The following STARD8 variants were observed in gnomAD, a reference collection of about 807,000 sequenced individuals.
STARD8 encodes stAR-related lipid transfer protein 8.
STARD8 carries 25 observed loss-of-function variants against 69.4 expected under a neutral mutation model. The observed-to-expected ratio is 0.36, with a 90% confidence interval of 0.26 to 0.50. The LOEUF is 0.50. Ranked by LOEUF, STARD8 falls within the 20% of genes least tolerant of loss-of-function variation. STARD8 has a pLI of 0.96. For missense variants in STARD8, 921 were observed against 932.5 expected, an observed-to-expected ratio of 0.99 and a Z score of 0.16; for synonymous variants, 389 against 374.6, an observed-to-expected ratio of 1.04 and a Z score of -0.45.
chrX:68,722,047 G>A lies in STARD8; in HGVS notation c.2460G>A (p.Arg820=). 1 of 1,195,039 alleles carries A rather than the reference G, an allele frequency of 8.4e-7. No individual in the cohort carries two copies. Among genetic ancestry groups the A allele is most frequent in the South Asian group, 1.8e-5 (1 of 55,932 alleles). The change falls in exon 11 of 15, where the codon AGG becomes AGA. Residue 820 remains arginine (R), a splice_region_variant and synonymous_variant. Coordinates refer to ENST00000374599, the MANE Select transcript of STARD8 (RefSeq NM_001142503.3). ...TCTCACCACCTCCTGCTCCATCTAG[G>A]ATCAAGAGCAAACGCAGCCTCATTG... ...NVSKKDSPSP[R]IKSKRSLIGR...
chrX:68,655,347 A>C (rs759694673), intron 1 of STARD8, among the ~76,000 whole-genome samples: 7 of 111,346 alleles, frequency 6.3e-5, no homozygotes, highest in Admixed American at 1.9e-4. Context: ...ATGACATAAG[A>C]CTCTCAGGTC....
intron 2 of STARD8, among the ~76,000 whole-genome samples, chrX:68,712,154 C>G (rs979789330): frequency 2.7e-5 from 3 of 112,120 alleles, no homozygotes; most frequent in African/African-American, 9.7e-5. Flanking sequence ...CCCCCAAGAC[C>G]CCGACAGGCC....
intron 12 of STARD8, among the ~76,000 whole-genome samples, 183 bp from the exon 13 acceptor site, chrX:68,723,443 A>G (rs191439465): frequency 4.4e-4 from 50 of 112,440 alleles, no homozygotes; most frequent in African/African-American, 1.6e-3. Flanking sequence ...AGACATCCAG[A>G]AAAGAGAGAG....
chrX:68,721,982 C>T, intron 10 of STARD8, 65 bp from the exon 11 acceptor site: 1 of 1,031,950 alleles, frequency 9.7e-7, no homozygotes, highest in South Asian at 2.2e-5. Context: ...AGAAGGCAGC[C>T]TGTCTGCCAT....
chrX:68,716,400 T>G lies in STARD8; in HGVS notation c.266T>G (p.Met89Arg). The change falls in exon 5 of 15, where the codon ATG (methionine) becomes AGG (arginine). Residue 89 changes from methionine to arginine, a missense_variant. Coordinates refer to ENST00000374599, the MANE Select transcript of STARD8 (RefSeq NM_001142503.3). ...RLMTLNNCAS[M>R]KLEVHFQSKQ... is the part of the protein sequence containing the mutation. ...ATGACCTTGAATAATTGTGCCTCGA[T>G]GAAACTGGAGGTTCATTTTCAAAGC... The G allele has an allele frequency of 8.3e-7, 1 of 1,211,309 alleles. No homozygotes were observed. The highest frequency in any genetic ancestry group is 1.1e-6 in the Non-Finnish European group (1 of 895,357).
chrX:68,699,603 G>A (rs865817474), intron 2 of STARD8, among the ~76,000 whole-genome samples: 5 of 110,777 alleles, frequency 4.5e-5, no homozygotes, highest in Middle Eastern at 4.7e-3. Flanking sequence ...AAGCGTCTGC[G>A]CTCCTTCTCA....
intron 2 of STARD8, among the ~76,000 whole-genome samples, chrX:68,687,568 A>T (rs1483201419): frequency 1.8e-5 from 2 of 111,847 alleles, no homozygotes; most frequent in Non-Finnish European, 3.8e-5. Flanking sequence ...TTAACATGGA[A>T]TTGAACACGC....
Position 68,721,099 on chromosome X carries a change from C to A in STARD8, c.2225C>A (p.Thr742Asn). 2.5e-6 allele frequency: 3 copies of A among 1,211,963 alleles called. No homozygotes were observed. Among genetic ancestry groups the A allele is most frequent in the Non-Finnish European group, 3.3e-6 (3 of 895,585 alleles). ...CCCATCTTCACCAGCAAGCTCACCA[C>A]CACTTTCCTCCAGATCTACCAGCGT... The part of the protein sequence containing the change: ...PEPIFTSKLT[T>N]TFLQIYQLLP... Residue 742 changes from threonine (T) to asparagine (N), a missense_variant, in exon 9 of 15, where the codon ACC (threonine) becomes AAC (asparagine). Transcript: ENST00000374599.
At chrX:68,684,571 G>A (rs374490281) in intron 2 of STARD8, among the ~76,000 whole-genome samples, 1 of 112,563 alleles carries the variant, frequency 8.9e-6, no homozygotes, top group Non-Finnish European at 1.9e-5. Context: ...TGGGGGAGGG[G>A]GCTGCCCCTG....
chrX:68,700,122 C>T (rs1035082482), intron 2 of STARD8, among the ~76,000 whole-genome samples: 1 of 111,782 alleles, frequency 8.9e-6, no homozygotes, highest in Non-Finnish European at 1.9e-5. Flanking sequence ...ATGAGCCATG[C>T]CCACAGTGGG....
intron 2 of STARD8, among the ~76,000 whole-genome samples, chrX:68,670,796 A>G (rs1479650995): frequency 8.9e-6 from 1 of 111,833 alleles, no homozygotes; most frequent in Non-Finnish European, 1.9e-5. Flanking sequence ...TCTTGGTTAA[A>G]GCAGCCCCAT....
intron 2 of STARD8, among the ~76,000 whole-genome samples, chrX:68,680,521 T>A (rs1342206196): frequency 1.8e-5 from 2 of 112,376 alleles, no homozygotes; most frequent in African/African-American, 3.2e-5. Context: ...AGTACTGACC[T>A]CCAAACTGCA....
chrX:68,699,370 A>G (rs762096158), intron 2 of STARD8, among the ~76,000 whole-genome samples: 1 of 112,388 alleles, frequency 8.9e-6, no homozygotes, highest in African/African-American at 3.2e-5. Context: ...CTCATGTTCA[A>G]TACCTGGGAA....
At chrX:68,704,422 G>A (rs894242291) in intron 2 of STARD8, among the ~76,000 whole-genome samples, 1 of 111,283 alleles carries the variant, frequency 9.0e-6, no homozygotes, top group Non-Finnish European at 1.9e-5. Flanking sequence ...GTAGGGGAGC[G>A]GCCAGGTTAG....
chrX:68,668,123 T>TTCTG (rs2079700349), intron 2 of STARD8, among the ~76,000 whole-genome samples: 1 of 93,745 alleles, frequency 1.1e-5, no homozygotes, highest in East Asian at 3.5e-4. Context: ...CTGTCTTTCT[T>TTCTG]TCTTTCTTTC....
At chrX:68,684,232 C>G (rs2079817227) in intron 2 of STARD8, among the ~76,000 whole-genome samples, 1 of 112,865 alleles carries the variant, frequency 8.9e-6, no homozygotes, top group Admixed American at 9.3e-5. Flanking sequence ...TAACAGCAGG[C>G]ATTCCTGCCT....
chrX:68,689,682 C>T (rs2079861910), intron 2 of STARD8, among the ~76,000 whole-genome samples: 1 of 112,112 alleles, frequency 8.9e-6, no homozygotes, highest in Non-Finnish European at 1.9e-5. Context: ...GGCCTGTGCT[C>T]CAGAGTCCCT....
chrX:68,715,157 G>C, intron 3 of STARD8, 137 bp from the exon 4 acceptor site: 2 of 521,191 alleles, frequency 3.8e-6, no homozygotes, highest in Non-Finnish European at 3.2e-6. Context: ...CTTTATTCCT[G>C]ACTTTTTTTC....
intron 1 of STARD8, among the ~76,000 whole-genome samples, chrX:68,660,585 C>T (rs2079638479): frequency 8.9e-6 from 1 of 112,305 alleles, no homozygotes; most frequent in Non-Finnish European, 1.9e-5. Flanking sequence ...TACCATCCTC[C>T]ATCTCTACTC....
Sources: allele counts gnomAD v4.1 joint callset (sites outside exome capture counted in the v4.1 genomes callset), GRCh38; gene constraint gnomAD v4.1.1; transcripts MANE v1.5; gene names NCBI Gene and HGNC (gene_info 2026-07-23, HGNC 2026-07-21).